The following TEF variants were observed in gnomAD, a reference collection of about 807,000 sequenced individuals.
TEF encodes the protein thyrotroph embryonic factor.
In TEF, 3 loss-of-function variants were observed where a neutral mutation model predicts 20.8. The observed-to-expected ratio is 0.14, with a 90% CI of 0.07 to 0.37. The LOEUF is 0.37. Among genes scored for constraint, TEF ranks in the 10% least tolerant of loss-of-function variants. The pLI, the probability that TEF is intolerant of heterozygous loss-of-function variation, is 1.00. For synonymous variants in TEF, 180 were observed against 171.1 expected, an observed-to-expected ratio of 1.05 and a Z score of -0.41; for missense variants, 296 against 397.9, an observed-to-expected ratio of 0.74 and a Z score of 2.18.
Position 41,395,923 on chromosome 22 carries a change from T to C in TEF, c.875T>C (p.Ile292Thr). 1 of 1,613,928 alleles carries C rather than the reference T, an allele frequency of 6.2e-7. No homozygotes were observed. Among genetic ancestry groups the C allele is most frequent in the Non-Finnish European group, 8.5e-7 (1 of 1,179,888 alleles). The change falls in exon 4 of 4, where the codon ATC becomes ACC. Residue 292 changes from isoleucine (I) to threonine (T), a missense_variant. Ile to Thr is a moderately conservative substitution (Grantham distance 89). Around this residue, in one of 2 missense-constraint regions of TEF, gnomAD observed 194 missense variants for 317.8 expected, o/e 0.61. Transcript: ENST00000266304. ...AAGGAGGTGGGCAAGTGCAAGACCA[T>C]CGTGTCCAAGTATGAGACCAAATAC... Reference protein sequence around the residue: ...LRKEVGKCKTIVSKYETKYGP... With the variant: ...LRKEVGKCKTTVSKYETKYGP...
chr22:41,381,244 C>A (rs1023145832), upstream of TEF, among the ~76,000 whole-genome samples: 1 of 152,242 alleles, frequency 6.6e-6, no homozygotes, highest in African/African-American at 2.4e-5. Context: ...CTAAGCTCAG[C>A]GTCCCTGCCC....
exon 1 of TEF, chr22:41,367,463 C>T (rs2036835002): frequency 6.7e-7 from 1 of 1,490,310 alleles, no homozygotes. Flanking sequence ...CCAGCTGCCT[C>T]TGAACTCCCT....
At chr22:41,381,640 G>T (rs953127341), upstream of TEF, among the ~76,000 whole-genome samples, 1 of 152,216 alleles carries the variant, frequency 6.6e-6, no homozygotes, top group African/African-American at 2.4e-5. Flanking sequence ...CTGGTAGGAG[G>T]GAAGGGACCG....
Position 41,382,150 on chromosome 22 carries a change from C to A in TEF, c.106C>A (p.Pro36Thr). 3 of 1,241,050 alleles carry A rather than the reference C, an allele frequency of 2.4e-6. No homozygotes were observed. The highest frequency in any genetic ancestry group is 3.0e-6 in the Non-Finnish European group (3 of 993,182). The allele number at this position is 1,241,050 out of a possible 1,614,324, so 76.9% of individuals were successfully genotyped here. A position where few individuals can be genotyped will look rare whatever the true frequency, so the allele number is the denominator to read the frequency against. Reference protein sequence around the residue: ...AGERGLSGSFPLVLKKLMENP... With the variant: ...AGERGLSGSFTLVLKKLMENP... ...GGAAAGGGGCCTGTCGGGGTCCTTC[C>A]CCCTGGTCCTGAAGAAGCTGATGGA... The change falls in exon 1 of 4, where the codon CCC becomes ACC. Residue 36 changes from proline to threonine, a missense_variant. This residue lies in a region of TEF where 102 missense variants were observed against 80.1 expected (regional missense o/e 1.27). Coordinates refer to ENST00000266304, the MANE Select transcript of TEF (RefSeq NM_003216.4).
intron 1 of TEF, among the ~76,000 whole-genome samples, chr22:41,383,637 T>G (rs2037061954): frequency 6.6e-6 from 1 of 152,238 alleles, no homozygotes; most frequent in Admixed American, 6.5e-5. Context: ...CTTTCTACTG[T>G]ATCATGCTGG....
intron 2 of TEF, 73 bp from the exon 3 acceptor site, chr22:41,394,023 T>C (rs1000452973): frequency 1.4e-5 from 20 of 1,401,322 alleles, no homozygotes; most frequent in Non-Finnish European, 3.0e-6. Context: ...TTCAACCAGG[T>C]GTCTGGGTGT....
chr22:41,384,701 G>C (rs989738146), intron 1 of TEF, among the ~76,000 whole-genome samples: 2 of 152,122 alleles, frequency 1.3e-5, no homozygotes, highest in African/African-American at 4.8e-5. Flanking sequence ...CATACTTTCA[G>C]TGAGCCCACA....
rs1569260474 is a variant in TEF at position 41,399,228 on chromosome 22, CGTGCGAGT to C, written c.*3272_*3279del. 6.6e-6 allele frequency: 1 copy of C among 152,558 alleles called. No individual in the cohort carries two copies. The highest frequency in any genetic ancestry group is 2.4e-5 in the African/African-American group (1 of 41,410). 9.5% of individuals were successfully genotyped at this position (152,558 alleles called of 1,614,324 possible). A position where few individuals can be genotyped will look rare whatever the true frequency, so the allele number is the denominator to read the frequency against. On this transcript the variant is annotated 3_prime_UTR_variant, in exon 4 of 4. Transcript: ENST00000266304. ...CCCATTGGCCTTATGTGCGTGTGTG[CGTGCGAGT>C]GTGTCACTGCTGGTGGGCCGGAGTG...
upstream of TEF, chr22:41,381,800 C>T (rs1365641752): frequency 2.9e-6 from 3 of 1,019,850 alleles, no homozygotes; most frequent in Non-Finnish European, 3.7e-6. Context: ...CGAGGATCTG[C>T]GCCTGCCCCT....
intron 2 of TEF, among the ~76,000 whole-genome samples, chr22:41,393,464 T>G (rs917268218): frequency 1.3e-5 from 2 of 151,764 alleles, no homozygotes; most frequent in Non-Finnish European, 2.9e-5. Flanking sequence ...ATATAAAAAT[T>G]TAATGTTTTA....
At chr22:41,394,376 G>A (rs1243114565) in intron 3 of TEF, 60 bp downstream of exon 3, 3 of 1,482,246 alleles carry the variant, frequency 2.0e-6, no homozygotes, top group East Asian at 2.4e-5. Flanking sequence ...TAGGGGATAT[G>A]GCTCCTCGCA....
At chr22:41,376,528 T>C (rs2036944128) in intron 1 of TEF, among the ~76,000 whole-genome samples, 1 of 152,204 alleles carries the variant, frequency 6.6e-6, no homozygotes, top group Admixed American at 6.5e-5. Flanking sequence ...GTGCCAGGCC[T>C]GAACAAAGTT....
intron 2 of TEF, among the ~76,000 whole-genome samples, chr22:41,388,533 A>G (rs2037126590): frequency 6.6e-6 from 1 of 150,474 alleles, no homozygotes; most frequent in Non-Finnish European, 1.5e-5. Flanking sequence ...TTCAAGTGCT[A>G]CCTCCATTAC....
At chr22:41,392,695 GAC>G (rs1424415597) in intron 2 of TEF, among the ~76,000 whole-genome samples, 1 of 112,628 alleles carries the variant, frequency 8.9e-6, no homozygotes, top group African/African-American at 3.4e-5. Context: ...AAAAAAAAAA[GAC>G]TAAGTGACTA....
intron 1 of TEF, among the ~76,000 whole-genome samples, chr22:41,374,866 G>A (rs2145965510): frequency 6.6e-6 from 1 of 152,230 alleles, no homozygotes; most frequent in Non-Finnish European, 1.5e-5. Flanking sequence ...TGTTTCAAGG[G>A]TAGCAGAAGT....
chr22:41,379,421 C>T (rs1416368813), upstream of TEF, among the ~76,000 whole-genome samples: 2 of 151,942 alleles, frequency 1.3e-5, no homozygotes, highest in Non-Finnish European at 2.9e-5. Flanking sequence ...GCAGGAGAAT[C>T]GCTTGAACTC....
Position 41,381,954 on chromosome 22 carries a change from C to G in TEF, c.-91C>G, listed in dbSNP as rs2037031050. 2.4e-6 allele frequency: 3 copies of G among 1,226,302 alleles called. No individual in the cohort carries two copies. In the South Asian group the frequency reaches 1.3e-4, roughly 51 times the overall value. The allele number at this position is 1,226,302 out of a possible 1,614,324, so 76.0% of individuals were successfully genotyped here. A position where few individuals can be genotyped will look rare whatever the true frequency, so the allele number is the denominator to read the frequency against. ...ATTGGGCGCCTGCGCAGTAGCTGCCCGTGTCGGCAGCTGCAGCGGGTCGCA... is the reference window on the plus strand; with the variant it reads ...ATTGGGCGCCTGCGCAGTAGCTGCCGGTGTCGGCAGCTGCAGCGGGTCGCA... On this transcript the variant is annotated 5_prime_UTR_variant, in exon 1 of 4. Coordinates refer to ENST00000266304, the MANE Select transcript of TEF (RefSeq NM_003216.4).
upstream of TEF, among the ~76,000 whole-genome samples, chr22:41,381,691 A>G (rs996406845): frequency 6.6e-6 from 1 of 152,044 alleles, no homozygotes; most frequent in Non-Finnish European, 1.5e-5. Flanking sequence ...GCAGGCGCCA[A>G]TCAGGGGACA....
rs1343549549 is a variant in TEF at position 41,382,178 on chromosome 22, AC to A, written c.140del (p.Pro47ArgfsTer79). ...CTGGTCCTGAAGAAGCTGATGGAGA[AC>A]CCCCCGCGCGAGGCGCGCCTCGGTG... ...FPLVLKKLME[N>X]PPREARLDKE... On this transcript the variant is annotated frameshift_variant, in exon 1 of 4. Coordinates refer to ENST00000266304, the MANE Select transcript of TEF (RefSeq NM_003216.4). LOFTEE classifies it high-confidence loss of function. The A allele has an allele frequency of 2.0e-6, 2 of 1,008,592 alleles. No individual in the cohort carries two copies. The highest frequency in any genetic ancestry group is 2.3e-6 in the Non-Finnish European group (2 of 855,322). 62.5% of individuals were successfully genotyped at this position (1,008,592 alleles called of 1,614,324 possible). A position where few individuals can be genotyped will look rare whatever the true frequency, so the allele number is the denominator to read the frequency against.
Sources: allele counts gnomAD v4.1 joint callset (sites outside exome capture counted in the v4.1 genomes callset), GRCh38; gene constraint gnomAD v4.1.1; regional missense constraint gnomAD v4.1.1; transcripts MANE v1.5; gene names NCBI Gene and HGNC (gene_info 2026-07-23, HGNC 2026-07-21).